KCNJ3: variants seen among roughly 807,000 people sequenced by gnomAD.
KCNJ3 encodes G protein-activated inward rectifier potassium channel 1.
A neutral mutation model predicts 39.2 loss-of-function variants in KCNJ3; 4 were observed. That is an observed-to-expected ratio of 0.10 (90% CI 0.05 to 0.23). The LOEUF (loss-of-function observed/expected upper bound fraction) is 0.23, where lower values mean the gene tolerates loss of function less well. KCNJ3 is among the 10% of genes least tolerant of loss of function. KCNJ3 has a pLI of 1.00. For synonymous variants in KCNJ3, 230 were observed against 237.4 expected (o/e 0.97, Z 0.29); for missense variants, 276 against 634.9 (o/e 0.43, Z 6.08).
intron 2 of KCNJ3, among the ~76,000 whole-genome samples, chr2:154,805,389 T>C (rs910010007): frequency 1.3e-5 from 2 of 152,108 alleles, no homozygotes; most frequent in African/African-American, 2.4e-5. Context: ...AGAAATCTTG[T>C]GAAGTATTTT....
intron 2 of KCNJ3, among the ~76,000 whole-genome samples, chr2:154,749,983 T>G (rs1172521803): frequency 6.6e-6 from 1 of 152,012 alleles, no homozygotes; most frequent in Non-Finnish European, 1.5e-5. Flanking sequence ...AATTTACCTT[T>G]GTATGGACTC....
intron 2 of KCNJ3, among the ~76,000 whole-genome samples, chr2:154,765,791 G>A (rs2105192135): frequency 6.6e-6 from 1 of 152,248 alleles, no homozygotes; most frequent in African/African-American, 2.4e-5. Flanking sequence ...ACCAGTTCTA[G>A]TTAGTTCAGT....
At chr2:154,756,267 A>G (rs1685935043) in intron 2 of KCNJ3, among the ~76,000 whole-genome samples, 2 of 152,160 alleles carry the variant, frequency 1.3e-5, no homozygotes, top group Admixed American at 6.6e-5. Context: ...CATATATATT[A>G]TTTCTTATAG....
chr2:154,852,410 T>A (rs894707060), intron 2 of KCNJ3, among the ~76,000 whole-genome samples: 1 of 152,008 alleles, frequency 6.6e-6, no homozygotes, highest in Non-Finnish European at 1.5e-5. Flanking sequence ...AACATAAAAA[T>A]AAAAAAGATA....
intron 2 of KCNJ3, among the ~76,000 whole-genome samples, chr2:154,766,998 A>G (rs1182816307): frequency 6.6e-6 from 1 of 152,154 alleles, no homozygotes; most frequent in Non-Finnish European, 1.5e-5. Flanking sequence ...TTAATACTAG[A>G]TAAGACTCTT....
intron 2 of KCNJ3, among the ~76,000 whole-genome samples, chr2:154,825,418 A>G (rs1006493140): frequency 3.9e-5 from 6 of 152,180 alleles, no homozygotes; most frequent in African/African-American, 1.4e-4. Flanking sequence ...AATATTCAAT[A>G]TCTAATGTAT....
chr2:154,794,642 A>G (rs1309604457), intron 2 of KCNJ3, among the ~76,000 whole-genome samples: 1 of 152,076 alleles, frequency 6.6e-6, no homozygotes. Flanking sequence ...GCCAAATGGC[A>G]TCTTGCCCTC....
intron 2 of KCNJ3, among the ~76,000 whole-genome samples, chr2:154,809,240 T>C (rs17641121): frequency 0.29 from 43,562 of 152,028 alleles, 6,838 homozygotes; most frequent in Non-Finnish European, 0.35. Flanking sequence ...CAACTCCTGG[T>C]AAATCAACCA....
At chr2:154,724,828 T>G (rs34256950) in intron 2 of KCNJ3, among the ~76,000 whole-genome samples, 1 of 147,848 alleles carries the variant, frequency 6.8e-6, no homozygotes, top group Non-Finnish European at 1.5e-5. Context: ...AATATACATT[T>G]ATATTTATAT....
At chr2:154,808,900 A>C (rs1408230939) in intron 2 of KCNJ3, among the ~76,000 whole-genome samples, 1 of 152,192 alleles carries the variant, frequency 6.6e-6, no homozygotes, top group African/African-American at 2.4e-5. Context: ...TAATGACATC[A>C]GCATTTAAGA....
At chr2:154,811,822 G>A (rs571294549) in intron 2 of KCNJ3, among the ~76,000 whole-genome samples, 1 of 152,176 alleles carries the variant, frequency 6.6e-6, no homozygotes, top group Non-Finnish European at 1.5e-5. Context: ...AGAGATGGGT[G>A]GTATTTTACT....
At chr2:154,726,538 G>T (rs974297130) in intron 2 of KCNJ3, among the ~76,000 whole-genome samples, 1 of 152,186 alleles carries the variant, frequency 6.6e-6, no homozygotes, top group South Asian at 2.1e-4. Context: ...CAACCACTAT[G>T]GAAAACAGTA....
chr2:154,820,372 G>A (rs900384425), intron 2 of KCNJ3, among the ~76,000 whole-genome samples: 1 of 152,154 alleles, frequency 6.6e-6, no homozygotes. Context: ...TTAGAAGATA[G>A]AACAAATGGT....
chr2:154,851,153 G>A (rs1273708552), intron 2 of KCNJ3, among the ~76,000 whole-genome samples: 1 of 151,876 alleles, frequency 6.6e-6, no homozygotes, highest in East Asian at 1.9e-4. Flanking sequence ...CAGGCAAGAA[G>A]ATTGCTTGAG....
At chr2:154,846,778 C>A (rs1687669817) in intron 2 of KCNJ3, among the ~76,000 whole-genome samples, 1 of 151,946 alleles carries the variant, frequency 6.6e-6, no homozygotes, top group African/African-American at 2.4e-5. Flanking sequence ...TGTTAAAAAT[C>A]TATTATTTCT....
At chr2:154,700,578 C>T (rs1684875154) in intron 1 of KCNJ3, among the ~76,000 whole-genome samples, 1 of 152,128 alleles carries the variant, frequency 6.6e-6, no homozygotes, top group Admixed American at 6.5e-5. Flanking sequence ...GAACTGAAGC[C>T]AGAGTCTGAA....
intron 2 of KCNJ3, among the ~76,000 whole-genome samples, chr2:154,835,780 A>T (rs1202484138): frequency 6.6e-6 from 1 of 152,046 alleles, no homozygotes; most frequent in Non-Finnish European, 1.5e-5. Context: ...CATATATTTT[A>T]TATCTTACTA....
intron 2 of KCNJ3, among the ~76,000 whole-genome samples, chr2:154,845,420 G>GA (rs971433361): frequency 6.6e-5 from 10 of 151,964 alleles, no homozygotes; most frequent in African/African-American, 1.9e-4. Flanking sequence ...CACCGGGCCT[G>GA]AAAAATATCT....
rs370667885 is a variant in KCNJ3 at position 154,743,372 on chromosome 2, A to G, written c.919+33553A>G. ...AATGAATTTTAAGATGAGTTTTTCT[A>G]TTTCTTCAAAAAATGTCATCGAGGT... On this transcript the variant is annotated intron_variant, in intron 2 of 2. Transcript: ENST00000295101. 6.6e-5 allele frequency among the ~76,000 whole-genome samples: 10 copies of G among 151,786 alleles called. No individual in the cohort carries two copies. The South Asian group carries it at 2.1e-3, about 32-fold the overall frequency.
Sources: allele counts gnomAD v4.1 joint callset (sites outside exome capture counted in the v4.1 genomes callset), GRCh38; gene constraint gnomAD v4.1.1; transcripts MANE v1.5; gene names NCBI Gene and HGNC (gene_info 2026-07-23, HGNC 2026-07-21).